The following EPB41L4A variants were observed in gnomAD, a reference collection of about 807,000 sequenced individuals.
EPB41L4A encodes erythrocyte membrane protein band 4.1 like 4A, also known as band 4.1-like protein 4A.
EPB41L4A carries 100 observed loss-of-function variants against 108.6 expected under a neutral mutation model. The observed-to-expected ratio is 0.92, with a 90% CI of 0.78 to 1.09. The LOEUF is 1.09. Among genes scored for constraint, EPB41L4A ranks in the 50% least tolerant of loss-of-function variants. The pLI, the probability that EPB41L4A is intolerant of heterozygous loss-of-function variation, is 0.00. For synonymous variants in EPB41L4A, 319 were observed against 289.0 expected, an observed-to-expected ratio of 1.10 and a Z score of -1.05; for missense variants, 1,030 against 842.7, an observed-to-expected ratio of 1.22 and a Z score of -2.75.
intron 9 of EPB41L4A, among the ~76,000 whole-genome samples, chr5:112,255,513 T>G (rs943166497): frequency 1.3e-5 from 2 of 152,284 alleles, no homozygotes; most frequent in Admixed American, 1.3e-4. Flanking sequence ...CTAAATTCAG[T>G]GGCCCATTCT....
At chr5:112,289,037 AT>A (rs760580158) in intron 2 of EPB41L4A, among the ~76,000 whole-genome samples, 4 of 152,178 alleles carry the variant, frequency 2.6e-5, no homozygotes, top group Non-Finnish European at 5.9e-5. Flanking sequence ...GAGGAATCTC[AT>A]GTATTAAAAC....
intron 15 of EPB41L4A, chr5:112,196,638 G>C (rs1761979147): frequency 6.6e-6 from 1 of 151,776 alleles, no homozygotes; most frequent in Admixed American, 6.6e-5. Flanking sequence ...CCTCAACTCT[G>C]TTTTTCATTC....
At chr5:112,327,829 C>A (rs1332236126) in intron 1 of EPB41L4A, among the ~76,000 whole-genome samples, 2 of 152,096 alleles carry the variant, frequency 1.3e-5, no homozygotes, top group African/African-American at 4.8e-5. Context: ...GGGAAGTGGG[C>A]AAGCAGAACT....
intron 12 of EPB41L4A, among the ~76,000 whole-genome samples, chr5:112,147,505 T>A (rs1165452011): frequency 1.3e-5 from 2 of 151,698 alleles, no homozygotes; most frequent in Non-Finnish European, 2.9e-5. Flanking sequence ...CCGGGTGTGG[T>A]GGCATGTGCC....
chr5:112,249,313 C>CA (rs1466808192), intron 9 of EPB41L4A: 2 of 151,982 alleles, frequency 1.3e-5, no homozygotes, highest in African/African-American at 2.4e-5. Context: ...GGGAGAGAAA[C>CA]AAAAATAGTC....
intron 1 of EPB41L4A, among the ~76,000 whole-genome samples, chr5:112,341,701 T>C (rs1330266170): frequency 6.6e-6 from 1 of 151,916 alleles, no homozygotes; most frequent in East Asian, 1.9e-4. Flanking sequence ...CACTTGAGTC[T>C]AGAAGTTCAA....
At chr5:112,228,561 G>C (rs1748637085) in intron 12 of EPB41L4A, 1 of 218,220 alleles carries the variant, frequency 4.6e-6, no homozygotes, top group Non-Finnish European at 7.8e-6. Context: ...TTAAAATGCT[G>C]CATCAGATAA....
At chr5:112,223,285 C>G (rs1454379820) in intron 12 of EPB41L4A, among the ~76,000 whole-genome samples, 1 of 152,046 alleles carries the variant, frequency 6.6e-6, no homozygotes, top group African/African-American at 2.4e-5. Flanking sequence ...CTCCCTATAA[C>G]CTACCAAAAT....
intron 1 of EPB41L4A, among the ~76,000 whole-genome samples, chr5:112,383,576 G>C (rs72783620): frequency 0.034 from 5,165 of 152,186 alleles, 141 homozygotes; most frequent in Non-Finnish European, 0.055. Flanking sequence ...CAAAAATTAA[G>C]TCTTAATTTA....
At chr5:112,313,935 C>T (rs927599312) in intron 1 of EPB41L4A, among the ~76,000 whole-genome samples, 4 of 147,300 alleles carry the variant, frequency 2.7e-5, no homozygotes, top group Non-Finnish European at 5.9e-5. Flanking sequence ...GCAATCTCCG[C>T]TCACTGCAAG....
At chr5:112,379,923 C>A (rs1213338296) in intron 1 of EPB41L4A, among the ~76,000 whole-genome samples, 1 of 152,168 alleles carries the variant, frequency 6.6e-6, no homozygotes, top group Non-Finnish European at 1.5e-5. Context: ...AAGCACTGAC[C>A]TACTCAAATT....
chr5:112,319,313 T>C (rs6594586), intron 1 of EPB41L4A, among the ~76,000 whole-genome samples: 66,243 of 151,990 alleles, frequency 0.44, 16,379 homozygotes, highest in African/African-American at 0.68. Flanking sequence ...GAGAAAAATC[T>C]ATGAGTCCAA....
At chr5:112,274,631 C>T (rs542442966) in intron 4 of EPB41L4A, among the ~76,000 whole-genome samples, 6 of 152,300 alleles carry the variant, frequency 3.9e-5, no homozygotes, top group African/African-American at 9.6e-5. Flanking sequence ...TGACCACCTA[C>T]GGTTAAGTTA....
intron 12 of EPB41L4A, among the ~76,000 whole-genome samples, chr5:112,147,572 A>C (rs1759306713): frequency 6.6e-6 from 1 of 151,792 alleles, no homozygotes; most frequent in Non-Finnish European, 1.5e-5. Flanking sequence ...CGGGAGGCAA[A>C]GGCTGCAGTA....
intron 1 of EPB41L4A, among the ~76,000 whole-genome samples, chr5:112,342,462 G>A (rs1367068876): frequency 6.6e-6 from 1 of 152,212 alleles, no homozygotes; most frequent in Non-Finnish European, 1.5e-5. Context: ...AGGTGTGCTG[G>A]TGGCAGATTT....
intron 2 of EPB41L4A, among the ~76,000 whole-genome samples, chr5:112,291,420 T>C (rs774377793): frequency 6.6e-6 from 1 of 152,222 alleles, no homozygotes; most frequent in Non-Finnish European, 1.5e-5. Flanking sequence ...CTGTGGTGTT[T>C]ATGATATATA....
intron 1 of EPB41L4A, among the ~76,000 whole-genome samples, chr5:112,383,196 T>C (rs991801228): frequency 2.0e-5 from 3 of 152,192 alleles, no homozygotes; most frequent in African/African-American, 7.2e-5. Context: ...GAACTTGGAA[T>C]AGTCAAGAAA....
At chr5:112,240,650 T>C (rs1021038999) in intron 10 of EPB41L4A, 69 bp downstream of exon 10, 110 of 871,952 alleles carry the variant, frequency 1.3e-4, no homozygotes, top group Non-Finnish European at 4.4e-5. Context: ...TTAGACAGAA[T>C]TCTTTTTATA....
At chr5:112,233,854 G>A (rs1468284785) in intron 12 of EPB41L4A, among the ~76,000 whole-genome samples, 1 of 151,934 alleles carries the variant, frequency 6.6e-6, no homozygotes, top group East Asian at 1.9e-4. Context: ...TAAGAAACAG[G>A]GTCTCAGTCT....
Sources: gnomAD v4.1 joint callset for allele counts (sites outside exome capture counted in the v4.1 genomes callset) on GRCh38, gnomAD v4.1.1 for gene constraint, MANE v1.5 for transcripts, NCBI Gene and HGNC (gene_info 2026-07-23, HGNC 2026-07-21) for gene names.